EYS: variants seen among roughly 807,000 people sequenced by gnomAD.
EYS encodes EGF-like photoreceptor maintenance factor, also known as protein eyes shut homolog.
EYS carries 250 observed loss-of-function variants against 282.1 expected under a neutral mutation model. The observed-to-expected ratio is 0.89, with a 90% confidence interval of 0.80 to 0.98. The LOEUF is 0.98. Ranked by LOEUF, EYS falls within the 50% of genes least tolerant of loss-of-function variation. EYS has a pLI of 0.00. For missense variants in EYS, 4,016 were observed against 3,709.0 expected (o/e 1.08, Z -2.15); for synonymous variants, 1,355 against 1,282.9 (o/e 1.06, Z -1.20).
intron 26 of EYS, among the ~76,000 whole-genome samples, chr6:64,548,281 G>T (rs1481897823): frequency 2.0e-5 from 3 of 152,154 alleles, no homozygotes; most frequent in Non-Finnish European, 4.4e-5. Flanking sequence ...GATTCCTCAG[G>T]GATCTAGAAC....
chr6:64,382,016 A>G (rs1190929094), intron 29 of EYS, among the ~76,000 whole-genome samples: 2 of 151,936 alleles, frequency 1.3e-5, no homozygotes, highest in Non-Finnish European at 2.9e-5. Flanking sequence ...CCCTTATTCT[A>G]TTTTGTTTTT....
At chr6:65,058,232 C>A (rs981569917) in intron 12 of EYS, among the ~76,000 whole-genome samples, 9 of 152,040 alleles carry the variant, frequency 5.9e-5, no homozygotes, top group African/African-American at 1.9e-4. Flanking sequence ...ATCACTGCAA[C>A]CTCTGCCTCC....
intron 12 of EYS, among the ~76,000 whole-genome samples, chr6:65,270,403 C>G (rs1562062409): frequency 6.6e-6 from 1 of 152,162 alleles, no homozygotes; most frequent in Non-Finnish European, 1.5e-5. Flanking sequence ...CCTACCCTCA[C>G]AGTTTGGGGC....
intron 32 of EYS, among the ~76,000 whole-genome samples, chr6:64,072,839 A>C (rs992024871): frequency 6.6e-6 from 1 of 151,936 alleles, no homozygotes; most frequent in Non-Finnish European, 1.5e-5. Flanking sequence ...TAAAAATAGG[A>C]TATATAGTGT....
At chr6:63,791,301 C>T (rs951259166) in intron 37 of EYS, among the ~76,000 whole-genome samples, 2 of 152,192 alleles carry the variant, frequency 1.3e-5, no homozygotes, top group African/African-American at 2.4e-5. Context: ...CACGGTGGCT[C>T]ACGCCTGTAA....
chr6:65,170,693 G>A (rs1581978028), intron 12 of EYS, among the ~76,000 whole-genome samples: 1 of 151,306 alleles, frequency 6.6e-6, no homozygotes, highest in East Asian at 2.0e-4. Context: ...GAAACCTGAG[G>A]AAGCACAGTT....
chr6:64,156,938 C>T (rs542566691), intron 31 of EYS, among the ~76,000 whole-genome samples: 50 of 151,654 alleles, frequency 3.3e-4, no homozygotes, highest in South Asian at 4.2e-4. Flanking sequence ...TACATGTGCA[C>T]AATGTGCAGG....
intron 5 of EYS, among the ~76,000 whole-genome samples, chr6:65,410,084 G>A (rs999043249): frequency 4.0e-5 from 6 of 151,756 alleles, no homozygotes; most frequent in Admixed American, 2.6e-4. Context: ...GATGTTTAGT[G>A]GTACTTAATT....
At chr6:65,575,170 A>AT (rs1764616857) in intron 2 of EYS, among the ~76,000 whole-genome samples, 2 of 151,548 alleles carry the variant, frequency 1.3e-5, no homozygotes, top group Admixed American at 6.6e-5. Flanking sequence ...AAAATACAAA[A>AT]TTTTTTTGTA....
chr6:64,707,628 G>A (rs780102883), intron 22 of EYS, among the ~76,000 whole-genome samples: 16 of 144,330 alleles, frequency 1.1e-4, no homozygotes, highest in African/African-American at 3.9e-4. Flanking sequence ...TCACGCCACT[G>A]CACTCCAGCC....
chr6:64,121,321 G>A (rs1773582307), intron 31 of EYS, among the ~76,000 whole-genome samples: 1 of 152,206 alleles, frequency 6.6e-6, no homozygotes, highest in African/African-American at 2.4e-5. Flanking sequence ...AGGAGTTCCA[G>A]GGAGCAGAAA....
rs188521584 is a variant in EYS at position 64,868,882 on chromosome 6, C to T, written c.2992+17815G>A. On this transcript the variant is annotated intron_variant, in intron 19 of 42. Transcript: ENST00000503581. The stretch of plus-strand genomic sequence containing the variant: ...CATGATTACTACAAACGGACTTGCA[C>T]GAGACTTTTTAAGCTCAGTGTTCTT... 1.3e-4 allele frequency among the ~76,000 whole-genome samples: 20 copies of T among 151,578 alleles called. No individual in the cohort carries two copies. In the East Asian group the frequency reaches 3.1e-3, roughly 23 times the overall value.
chr6:64,187,829 T>A (rs1377585538), intron 31 of EYS, among the ~76,000 whole-genome samples: 1 of 132,754 alleles, frequency 7.5e-6, no homozygotes. Flanking sequence ...TTAGACAGAT[T>A]TTTTTTTTAA....
chr6:65,344,161 C>A lies in EYS; in HGVS notation c.1476G>T (p.Lys492Asn). The stretch of plus-strand genomic sequence containing the variant: ...AATAGGCATCAATAACCCCTTGGCA[C>A]TTTTCGCCTTCAGATCCTTTAAAAA... ...QLGFAGSEGE[K>N]CQGVIDAYFF... The change falls in exon 10 of 43, where the codon AAG (lysine) becomes AAT (asparagine). Residue 492 changes from lysine to asparagine, a missense_variant. Lys to Asn is a moderately conservative substitution (Grantham distance 94, BLOSUM62 0). Coordinates refer to ENST00000503581, the MANE Select transcript of EYS (RefSeq NM_001142800.2). The A allele has an allele frequency of 1.9e-6, 3 of 1,609,444 alleles. No individual in the cohort carries two copies. Among genetic ancestry groups the A allele is most frequent in the Non-Finnish European group, 2.5e-6 (3 of 1,177,034 alleles).
chr6:63,878,612 C>T (rs137879860), intron 35 of EYS, among the ~76,000 whole-genome samples: 17 of 152,336 alleles, frequency 1.1e-4, no homozygotes, highest in African/African-American at 2.9e-4. Context: ...CCTTGAACTG[C>T]GGTGGGCTCC....
intron 31 of EYS, among the ~76,000 whole-genome samples, chr6:64,117,331 C>A (rs926384921): frequency 2.0e-5 from 3 of 147,812 alleles, no homozygotes; most frequent in Non-Finnish European, 3.0e-5. Context: ...AGGAACAACC[C>A]CCCCCCCAAT....
At chr6:64,242,230 T>A (rs193181652) in intron 30 of EYS, among the ~76,000 whole-genome samples, 52 of 152,260 alleles carry the variant, frequency 3.4e-4, no homozygotes, top group Non-Finnish European at 5.9e-4. Flanking sequence ...GTTAATTTTC[T>A]GTCTTGTTGA....
intron 19 of EYS, among the ~76,000 whole-genome samples, chr6:64,853,695 C>G (rs1409542385): frequency 6.6e-6 from 1 of 152,016 alleles, no homozygotes; most frequent in Non-Finnish European, 1.5e-5. Flanking sequence ...TAGGCATGGG[C>G]AAGGACCTCA....
chr6:65,074,754 A>G (rs1773997150), intron 12 of EYS, among the ~76,000 whole-genome samples: 1 of 151,960 alleles, frequency 6.6e-6, no homozygotes, highest in Non-Finnish European at 1.5e-5. Context: ...TTTAAATGAG[A>G]AGTATCTAGG....
Sources: allele counts gnomAD v4.1 joint callset (sites outside exome capture counted in the v4.1 genomes callset), GRCh38; gene constraint gnomAD v4.1.1; transcripts MANE v1.5; gene names NCBI Gene and HGNC (gene_info 2026-07-23, HGNC 2026-07-21).